DMD: variants seen among roughly 807,000 people sequenced by gnomAD.
DMD encodes the protein dystrophin, also known as mutant dystrophin.
In DMD, 63 loss-of-function variants were observed where a neutral mutation model predicts 330.1. That is an observed-to-expected ratio of 0.19 (90% CI 0.16 to 0.24). The LOEUF is 0.24. DMD is among the 10% of genes least tolerant of loss of function. DMD has a pLI of 1.00. For synonymous variants in DMD, 1,223 were observed against 959.8 expected, an observed-to-expected ratio of 1.27 and a Z score of -5.07; for missense variants, 3,344 against 2,684.1, an observed-to-expected ratio of 1.25 and a Z score of -5.43.
chrX:32,705,594 G>T (rs752123775), intron 7 of DMD, among the ~76,000 whole-genome samples: 17 of 111,447 alleles, frequency 1.5e-4, no homozygotes, highest in African/African-American at 4.6e-4. Flanking sequence ...CAGGTGCATC[G>T]CCTGAGGTTA....
At chrX:33,016,827 G>T (rs1235328683) in intron 2 of DMD, among the ~76,000 whole-genome samples, 1 of 111,346 alleles carries the variant, frequency 9.0e-6, no homozygotes, top group Non-Finnish European at 1.9e-5. Context: ...AATTATTTTT[G>T]GTCATGTTTT....
At chrX:32,263,352 A>C (rs1372981279) in intron 43 of DMD, among the ~76,000 whole-genome samples, 4 of 112,071 alleles carry the variant, frequency 3.6e-5, no homozygotes, top group Non-Finnish European at 7.5e-5. Context: ...GTTTGGAAGA[A>C]TAACTGTTAT....
intron 67 of DMD, among the ~76,000 whole-genome samples, chrX:31,198,023 TAAAAA>T (rs61065027): frequency 9.2e-5 from 6 of 64,893 alleles, no homozygotes; most frequent in African/African-American, 3.5e-4. Flanking sequence ...GTGTGGGAGC[TAAAAA>T]AAAAAAAAAA....
chrX:32,467,476 T>C (rs1191591136), intron 23 of DMD, among the ~76,000 whole-genome samples: 1 of 110,575 alleles, frequency 9.0e-6, no homozygotes, highest in East Asian at 2.8e-4. Context: ...GTGGTAAAAT[T>C]TAAGCATATA....
chrX:32,652,142 CT>C (rs772271257), intron 9 of DMD, among the ~76,000 whole-genome samples: 10 of 109,852 alleles, frequency 9.1e-5, no homozygotes, highest in African/African-American at 2.6e-4. Context: ...AAACATTAAT[CT>C]TTTTTTTTAT....
intron 1 of DMD, among the ~76,000 whole-genome samples, chrX:33,338,538 T>C (rs190149001): frequency 1.1e-4 from 12 of 111,001 alleles, no homozygotes; most frequent in African/African-American, 3.9e-4. Context: ...CATTTTTCAT[T>C]AACAGCCTTC....
At chrX:32,920,924 G>GT (rs1163859910) in intron 2 of DMD, among the ~76,000 whole-genome samples, 3 of 111,787 alleles carry the variant, frequency 2.7e-5, no homozygotes, top group Non-Finnish European at 3.8e-5. Flanking sequence ...CAAAGAAGGT[G>GT]TTTTTTTGGA....
chrX:32,351,343 T>C (rs1338344102), intron 37 of DMD, among the ~76,000 whole-genome samples: 2 of 110,862 alleles, frequency 1.8e-5, no homozygotes, highest in Non-Finnish European at 3.8e-5. Flanking sequence ...TTTGATGAAA[T>C]CATAACATTG....
chrX:32,707,769 A>G lies in DMD; in HGVS notation c.650-8476T>C, dbSNP rs185337945. 3.6e-5 allele frequency among the ~76,000 whole-genome samples: 4 copies of G among 112,208 alleles called. No homozygotes were observed. The East Asian group carries it at 1.1e-3, about 31-fold the overall frequency. ...CCAGGAGAACAGACACTAACTTGAC[A>G]TAACAAATGGAAGCTACTCAGTCAG... On this transcript the variant is annotated intron_variant, in intron 7 of 78. Transcript: ENST00000357033.
chrX:32,886,612 G>A (rs1186217179), intron 2 of DMD, among the ~76,000 whole-genome samples: 4 of 110,521 alleles, frequency 3.6e-5, no homozygotes, highest in Non-Finnish European at 7.6e-5. Flanking sequence ...GAACCCAGGA[G>A]GCGAAGCTTG....
At chrX:32,052,167 TC>T (rs1316505215) in intron 44 of DMD, among the ~76,000 whole-genome samples, 1 of 111,094 alleles carries the variant, frequency 9.0e-6, no homozygotes, top group East Asian at 2.8e-4. Flanking sequence ...GTAAGTAAAT[TC>T]CCCCAATAAT....
chrX:32,826,986 G>A (rs183576320), intron 4 of DMD, among the ~76,000 whole-genome samples: 3 of 105,900 alleles, frequency 2.8e-5, no homozygotes, highest in South Asian at 8.2e-4. Context: ...ATAAAAAATA[G>A]TTATATGGTA....
At position 31,875,945 on chromosome X, in the gene DMD, G is replaced by T. The variant is rs185769075; in HGVS notation, c.6913-572C>A. 2.7e-5 allele frequency among the ~76,000 whole-genome samples: 3 copies of T among 112,366 alleles called. No homozygotes were observed. In the East Asian group the frequency reaches 8.4e-4, roughly 32 times the overall value. ...TGCTTCTAGCTTTCTTTTATGTCAT[G>T]GAAGATTGTAAAAGGAAGTCCCTTC... On this transcript the variant is annotated intron_variant, in intron 47 of 78. Transcript: ENST00000357033.
At chrX:32,101,897 A>G (rs1603625363) in intron 44 of DMD, among the ~76,000 whole-genome samples, 1 of 111,469 alleles carries the variant, frequency 9.0e-6, no homozygotes, top group Non-Finnish European at 1.9e-5. Context: ...GGATTCATCC[A>G]TTCATAAATT....
chrX:31,289,275 AAAT>A lies in DMD; in HGVS notation c.9225-28262_9225-28260del, dbSNP rs1177567730. 1.5e-3 allele frequency among the ~76,000 whole-genome samples: 120 copies of A among 79,200 alleles called. 11 individuals are homozygous for A. Among genetic ancestry groups the A allele is most frequent in the African/African-American group, 3.3e-3 (55 of 16,835 alleles). The allele number at this position is 79,200 out of a possible 115,157, so 68.8% of individuals were successfully genotyped here. A position where few individuals can be genotyped will look rare whatever the true frequency, so the allele number is the denominator to read the frequency against. ...GCAAAAAAAAAAAAAATAAAAAATAAAATAAAATCCATCTCAAAAAAAAAAAAA... is the reference window on the plus strand; with the variant it reads ...GCAAAAAAAAAAAAAATAAAAAATAAAAAATCCATCTCAAAAAAAAAAAAA... On this transcript the variant is annotated intron_variant, in intron 62 of 78. Transcript: ENST00000357033.
At position 32,266,575 on chromosome X, in the gene DMD, T is replaced by C. The variant is rs1480291013; in HGVS notation, c.6290+20954A>G. ...AGTATTTGATCTACAGATTTACACA[T>C]CATGGACAGAAATGTTATGAAAATC... On this transcript the variant is annotated intron_variant, in intron 43 of 78. Coordinates refer to ENST00000357033, the MANE Select transcript of DMD (RefSeq NM_004006.3). 9.8e-5 allele frequency among the ~76,000 whole-genome samples: 11 copies of C among 112,055 alleles called. No homozygotes were observed. In the Admixed American group the frequency reaches 1.0e-3, roughly 11 times the overall value.
chrX:32,080,769 T>C lies in DMD; in HGVS notation c.6439-112255A>G, dbSNP rs972103148. Among the ~76,000 whole-genome samples the C allele has an allele frequency of 3.6e-5, 4 of 111,572 alleles. No individual in the cohort carries two copies. The South Asian group carries it at 1.5e-3, about 43-fold the overall frequency. ...TCAGTTTTAGGGGTGGTCCCAGCCA[T>C]GAAGAGCCCCCTTGCACAAGGTCAT... On this transcript the variant is annotated intron_variant, in intron 44 of 78. Transcript: ENST00000357033.
intron 1 of DMD, among the ~76,000 whole-genome samples, chrX:33,199,304 G>T (rs1468125296): frequency 9.0e-6 from 1 of 111,027 alleles, no homozygotes; most frequent in Admixed American, 9.6e-5. Context: ...AAGAGAAGTG[G>T]ATGAAAATAT....
chrX:32,134,514 G>A (rs370022199), intron 44 of DMD, among the ~76,000 whole-genome samples: 1 of 110,518 alleles, frequency 9.0e-6, no homozygotes, highest in African/African-American at 3.3e-5. Flanking sequence ...TCTACTGCAG[G>A]CAAGGCACAG....
Sources: gnomAD v4.1 joint callset for allele counts (sites outside exome capture counted in the v4.1 genomes callset) on GRCh38, gnomAD v4.1.1 for gene constraint, MANE v1.5 for transcripts, NCBI Gene and HGNC (gene_info 2026-07-23, HGNC 2026-07-21) for gene names.